Variants in USP32 observed in about 807,000 individuals in gnomAD.
USP32 encodes the protein ubiquitin specific peptidase 32, also known as ubiquitin carboxyl-terminal hydrolase 32.
A neutral mutation model predicts 204.8 loss-of-function variants in USP32; 59 were observed. The ratio of observed to expected loss-of-function variants is 0.29; its 90% confidence interval spans 0.23 to 0.36. USP32 has a LOEUF of 0.36. USP32 is among the 10% of genes least tolerant of loss of function. USP32 has a pLI of 1.00. For missense variants in USP32, 1,160 were observed against 1,946.4 expected (o/e 0.60, Z 7.60); for synonymous variants, 517 against 678.4 (o/e 0.76, Z 3.70).
intron 1 of USP32, among the ~76,000 whole-genome samples, chr17:60,391,055 G>C (rs991337174): frequency 6.6e-6 from 1 of 152,184 alleles, no homozygotes; most frequent in Non-Finnish European, 1.5e-5. Context: ...CTGTGCCTCA[G>C]AGCCAATAAG....
intron 31 of USP32, 107 bp downstream of exon 31, chr17:60,183,058 G>A: frequency 6.9e-7 from 1 of 1,441,072 alleles, no homozygotes; most frequent in Non-Finnish European, 9.3e-7. Flanking sequence ...ATTCCAGATA[G>A]GTTCTTTCCA....
chr17:60,236,161 G>C lies in USP32; in HGVS notation c.1216C>G (p.Gln406Glu), dbSNP rs1479475731. The change falls in exon 12 of 34, where the codon CAG becomes GAG. Residue 406 changes from glutamine to glutamate, a missense_variant. Coordinates refer to ENST00000300896, the MANE Select transcript of USP32 (RefSeq NM_032582.4). ...WFIISMQWWQ[Q>E]WKEYVKYDAN... ...ACGTATTTGACATATTCTTTCCACTGTTGCCACCACTGCATGGAGATGATA... is the reference window on the plus strand; with the variant it reads ...ACGTATTTGACATATTCTTTCCACTCTTGCCACCACTGCATGGAGATGATA... 5.6e-6 allele frequency: 9 copies of C among 1,613,706 alleles called. No homozygotes were observed. In the Admixed American group the frequency reaches 6.7e-5, roughly 12 times the overall value.
Position 60,211,383 on chromosome 17 carries a change from G to C in USP32, c.2311C>G (p.Leu771Val), listed in dbSNP as rs1273376902. 6.2e-7 allele frequency: 1 copy of C among 1,612,204 alleles called. No homozygotes were observed. Among genetic ancestry groups the C allele is most frequent in the East Asian group, 2.2e-5 (1 of 44,872 alleles). Residue 771 changes from leucine (L) to valine (V), a missense_variant, in exon 20 of 34, where the codon CTC becomes GTC. Around this residue, in one of 8 missense-constraint regions of USP32, gnomAD observed 132 missense variants for 432.8 expected, o/e 0.30. Transcript: ENST00000300896. ...YFISGRHLYE[L>V]NRTNPIGMKG... Reference sequence around the variant, plus strand: ...TGACTCCAGAAAGATTACCTGTTGAGTTCATAAAGATGTCTCCCTGAGATA... The same window carrying C: ...TGACTCCAGAAAGATTACCTGTTGACTTCATAAAGATGTCTCCCTGAGATA...
intron 1 of USP32, among the ~76,000 whole-genome samples, chr17:60,418,396 GTT>G (rs569143215): frequency 3.4e-4 from 40 of 118,398 alleles, no homozygotes; most frequent in African/African-American, 8.7e-4. Context: ...CCTGGCCTCT[GTT>G]TTTTTTTTTT....
intron 1 of USP32, among the ~76,000 whole-genome samples, chr17:60,351,352 T>A (rs1467591205): frequency 6.6e-6 from 1 of 152,082 alleles, no homozygotes; most frequent in African/African-American, 2.4e-5. Context: ...TGCACCACTA[T>A]GTCAGGCCCT....
chr17:60,341,694 C>T (rs1052667640), intron 2 of USP32, among the ~76,000 whole-genome samples: 12 of 152,004 alleles, frequency 7.9e-5, no homozygotes, highest in African/African-American at 2.7e-4. Flanking sequence ...TGATTGAATC[C>T]GCTATTGAAA....
intron 12 of USP32, among the ~76,000 whole-genome samples, chr17:60,227,077 C>T (rs185975216): frequency 6.8e-6 from 1 of 146,030 alleles, no homozygotes; most frequent in Admixed American, 6.8e-5. Context: ...TTTTTTCTTT[C>T]ACCAAACATT....
At chr17:60,256,648 GT>G in intron 9 of USP32, 1 of 1,028,116 alleles carries the variant, frequency 9.7e-7, no homozygotes, top group Non-Finnish European at 1.2e-6. Context: ...GTTAACAGGA[GT>G]GTCTAAATTG....
intron 29 of USP32, among the ~76,000 whole-genome samples, chr17:60,189,557 T>C (rs921182432): frequency 6.6e-6 from 1 of 152,216 alleles, no homozygotes; most frequent in Non-Finnish European, 1.5e-5. Context: ...CAAATAATAT[T>C]TGGTTGATTA....
At chr17:60,315,201 C>T (rs2087943790) in intron 2 of USP32, among the ~76,000 whole-genome samples, 1 of 152,116 alleles carries the variant, frequency 6.6e-6, no homozygotes, top group Non-Finnish European at 1.5e-5. Flanking sequence ...AGTTCAAAAC[C>T]AGCCTGGGCA....
chr17:60,364,427 T>C (rs1044212000), intron 1 of USP32, among the ~76,000 whole-genome samples: 1 of 152,242 alleles, frequency 6.6e-6, no homozygotes, highest in Non-Finnish European at 1.5e-5. Context: ...TCACCCAGGC[T>C]AGAGTGCGGT....
At chr17:60,203,420 AAG>A (rs1353958828) in intron 26 of USP32, among the ~76,000 whole-genome samples, 10 of 149,640 alleles carry the variant, frequency 6.7e-5, no homozygotes, top group Admixed American at 6.2e-4. Flanking sequence ...AAAAAAAAAA[AAG>A]AATATATTTC....
At chr17:60,392,279 A>C (rs1744407350), upstream of USP32, 1 of 385,448 alleles carries the variant, frequency 2.6e-6, no homozygotes, top group South Asian at 2.8e-5. Context: ...ACCCGAGGCC[A>C]GACACTGTTC....
intron 2 of USP32, among the ~76,000 whole-genome samples, chr17:60,303,460 T>C (rs1483734475): frequency 2.0e-5 from 3 of 149,614 alleles, no homozygotes; most frequent in Admixed American, 6.7e-5. Flanking sequence ...TGATAACAAA[T>C]AGAAGGTAAC....
rs940219840 is a variant in USP32, at chr17:60,377,961, G to A, written c.58+13921C>T. Among the ~76,000 whole-genome samples the A allele has an allele frequency of 7.2e-5, 11 of 152,014 alleles. No homozygotes were observed. In the East Asian group the frequency reaches 9.6e-4, roughly 13 times the overall value. On this transcript the variant is annotated intron_variant, in intron 1 of 33. Coordinates refer to ENST00000300896, the MANE Select transcript of USP32 (RefSeq NM_032582.4). ...TTTGGGCATTAAAAGATCCTATCAAGACCATGAAAGACAATCCACAGATAT... is the reference window on the plus strand; with the variant it reads ...TTTGGGCATTAAAAGATCCTATCAAAACCATGAAAGACAATCCACAGATAT...
At position 60,374,399 on chromosome 17, in the gene USP32, G is replaced by T. The variant is rs754031421; in HGVS notation, c.58+17483C>A. Among the ~76,000 whole-genome samples, 534 of 141,526 alleles carry T rather than the reference G, an allele frequency of 3.8e-3. 3 individuals carry two copies. The highest frequency in any genetic ancestry group is 0.012 in the African/African-American group (475 of 38,680). The allele number at this position is 141,526 out of a possible 152,430, so 92.8% of individuals were successfully genotyped here. On this transcript the variant is annotated intron_variant, in intron 1 of 33. Transcript: ENST00000300896. ...CCTAAGGCTGTTACAGTTAAGTTTT[G>T]TTTTTTTTTTTTTGAGACAGAGTCT...
intron 1 of USP32, among the ~76,000 whole-genome samples, chr17:60,351,572 C>A (rs1257930890): frequency 2.0e-5 from 3 of 152,080 alleles, no homozygotes; most frequent in African/African-American, 7.2e-5. Flanking sequence ...GGAGTACAGG[C>A]ACGCACCACC....
intron 4 of USP32, among the ~76,000 whole-genome samples, chr17:60,289,068 C>T (rs758609282): frequency 1.3e-4 from 20 of 152,178 alleles, no homozygotes; most frequent in Non-Finnish European, 2.8e-4. Flanking sequence ...AGTGCAGTGG[C>T]GCGATCTCGG....
chr17:60,252,240 C>T, intron 11 of USP32, 141 bp downstream of exon 11: 1 of 704,060 alleles, frequency 1.4e-6, no homozygotes. Flanking sequence ...TAGGAAGGTA[C>T]TTTAACAAAA....
Sources: allele counts gnomAD v4.1 joint callset (sites outside exome capture counted in the v4.1 genomes callset), GRCh38; gene constraint gnomAD v4.1.1; regional missense constraint gnomAD v4.1.1; transcripts MANE v1.5; gene names NCBI Gene and HGNC (gene_info 2026-07-23, HGNC 2026-07-21).